Variants in R3HCC1L observed in about 807,000 individuals in gnomAD.
R3HCC1L encodes the protein R3H domain and coiled-coil containing 1 like, also known as coiled-coil domain-containing protein R3HCC1L.
R3HCC1L carries 51 observed loss-of-function variants against 59.9 expected under a neutral mutation model. The ratio of observed to expected loss-of-function variants is 0.85; its 90% CI spans 0.68 to 1.07. R3HCC1L has a LOEUF of 1.07. Ranked by LOEUF, R3HCC1L falls within the 50% of genes least tolerant of loss-of-function variation. R3HCC1L has a pLI of 0.00. For synonymous variants in R3HCC1L, 322 were observed against 315.2 expected, an observed-to-expected ratio of 1.02 and a Z score of -0.23; for missense variants, 965 against 933.0, an observed-to-expected ratio of 1.03 and a Z score of -0.45.
intron 4 of R3HCC1L, among the ~76,000 whole-genome samples, chr10:98,172,612 C>T (rs1049609950): frequency 6.6e-6 from 1 of 152,154 alleles, no homozygotes; most frequent in African/African-American, 2.4e-5. Flanking sequence ...AGCCATCTGT[C>T]CATCCATCCA....
intron 9 of R3HCC1L, among the ~76,000 whole-genome samples, chr10:98,239,432 C>G (rs1355895469): frequency 6.6e-6 from 1 of 152,014 alleles, no homozygotes; most frequent in Non-Finnish European, 1.5e-5. Context: ...ATCTCCCAGC[C>G]TTTCTTTCTC....
chr10:98,163,390 CT>C lies in R3HCC1L; in HGVS notation c.-20del. 7.5e-7 allele frequency: 1 copy of C among 1,334,610 alleles called. No individual in the cohort carries two copies. Among genetic ancestry groups the C allele is most frequent in the Non-Finnish European group, 9.9e-7 (1 of 1,007,320 alleles). The allele number at this position is 1,334,610 out of a possible 1,614,324, so 82.7% of individuals were successfully genotyped here. A position where few individuals can be genotyped will look rare whatever the true frequency, so the allele number is the denominator to read the frequency against. On this transcript the variant is annotated 5_prime_UTR_variant, in exon 4 of 10. The change abolishes the stop of an existing upstream ORF in the 5' untranslated region. Coordinates refer to ENST00000298999, the MANE Select transcript of R3HCC1L (RefSeq NM_001351015.2). ...TTTATTACTAAGAAAATAAATGTTA[CT>C]TACATGGTAAGTTGCCTTTACTTAT...
chr10:98,167,324 C>A (rs1848049906), intron 4 of R3HCC1L, among the ~76,000 whole-genome samples: 1 of 152,174 alleles, frequency 6.6e-6, no homozygotes, highest in African/African-American at 2.4e-5. Flanking sequence ...AATTTATTAA[C>A]TTGTTAATGT....
At chr10:98,180,483 GTGGT>G (rs1242475151) in intron 4 of R3HCC1L, among the ~76,000 whole-genome samples, 2 of 152,148 alleles carry the variant, frequency 1.3e-5, no homozygotes, top group African/African-American at 2.4e-5. Flanking sequence ...TTCCAACCAC[GTGGT>G]CAGTTTTGGA....
chr10:98,176,534 A>G (rs755062860), intron 4 of R3HCC1L, among the ~76,000 whole-genome samples: 26 of 152,046 alleles, frequency 1.7e-4, no homozygotes, highest in Non-Finnish European at 3.5e-4. Context: ...AGTTTTTTTC[A>G]TTGATAGAAT....
chr10:98,191,734 T>C (rs985775816), intron 4 of R3HCC1L, among the ~76,000 whole-genome samples: 1 of 152,206 alleles, frequency 6.6e-6, no homozygotes, highest in African/African-American at 2.4e-5. Context: ...CCCGTGCATA[T>C]GTCCTGAATG....
chr10:98,209,824 T>G lies in R3HCC1L; in HGVS notation c.1710T>G (p.Ile570Met). 1 of 1,613,878 alleles carries G rather than the reference T, an allele frequency of 6.2e-7. No individual in the cohort carries two copies. Among genetic ancestry groups the G allele is most frequent in the Non-Finnish European group, 8.5e-7 (1 of 1,179,806 alleles). The change falls in exon 5 of 10, where the codon ATT becomes ATG. Residue 570 changes from isoleucine (I) to methionine (M), a missense_variant. By Grantham distance (10) the Ile-to-Met change is conservative. Transcript: ENST00000298999. Reference sequence around the variant, plus strand: ...CTGAAACTTCTCACACAGAGGGAATTACTGCCATTGAGGAGAGCTGGGAGT... The same window carrying G: ...CTGAAACTTCTCACACAGAGGGAATGACTGCCATTGAGGAGAGCTGGGAGT... Reference protein sequence around the residue: ...KATETSHTEGITAIEESWESM... With the variant: ...KATETSHTEGMTAIEESWESM...
chr10:98,217,526 G>A (rs1190188878), intron 5 of R3HCC1L, among the ~76,000 whole-genome samples: 1 of 152,046 alleles, frequency 6.6e-6, no homozygotes, highest in African/African-American at 2.4e-5. Context: ...TCAAATTTTA[G>A]TATTGTTTTT....
intron 4 of R3HCC1L, among the ~76,000 whole-genome samples, chr10:98,203,603 G>T (rs895268636): frequency 2.0e-5 from 3 of 152,182 alleles, no homozygotes; most frequent in Non-Finnish European, 2.9e-5. Flanking sequence ...CCCAGTGAGT[G>T]CCTTAAGTGC....
At chr10:98,223,742 C>T (rs1855332623) in intron 5 of R3HCC1L, among the ~76,000 whole-genome samples, 1 of 151,986 alleles carries the variant, frequency 6.6e-6, no homozygotes, top group Admixed American at 6.6e-5. Context: ...AGGTAGAGGC[C>T]AGTCCTTGGA....
intron 2 of R3HCC1L, among the ~76,000 whole-genome samples, chr10:98,162,303 T>C (rs1023580904): frequency 1.2e-4 from 18 of 152,236 alleles, no homozygotes; most frequent in Non-Finnish European, 2.2e-4. Flanking sequence ...TTCCTTATGA[T>C]AAATTTATCA....
chr10:98,177,744 C>G (rs1849185828), intron 4 of R3HCC1L, among the ~76,000 whole-genome samples: 5 of 152,276 alleles, frequency 3.3e-5, no homozygotes, highest in Middle Eastern at 3.4e-3. Flanking sequence ...GAGATGGTAT[C>G]TCATTGTGGT....
chr10:98,218,013 C>T (rs1194552759), intron 5 of R3HCC1L, among the ~76,000 whole-genome samples: 1 of 152,038 alleles, frequency 6.6e-6, no homozygotes, highest in Non-Finnish European at 1.5e-5. Context: ...ATTTCTCTTT[C>T]CTGTTGCTCT....
intron 4 of R3HCC1L, among the ~76,000 whole-genome samples, chr10:98,193,005 C>T (rs1339662690): frequency 2.0e-5 from 3 of 151,926 alleles, no homozygotes; most frequent in Non-Finnish European, 4.4e-5. Flanking sequence ...AGAATATATA[C>T]AATATTAACA....
chr10:98,209,154 A>G lies in R3HCC1L; in HGVS notation c.1040A>G (p.His347Arg). The G allele has an allele frequency of 6.2e-7, 1 of 1,614,020 alleles. No homozygotes were observed. Among genetic ancestry groups the G allele is most frequent in the East Asian group, 2.2e-5 (1 of 44,872 alleles). ...DSTADELHVK[H>R]EPPDTAVLAH... ...ACTGCTGATGAGTTACATGTAAAGC[A>G]CGAACCTCCTGATACAGCTGTCCTT... The change falls in exon 5 of 10, where the codon CAC (histidine) becomes CGC (arginine). Residue 347 changes from histidine to arginine, a missense_variant. By Grantham distance (29) the His-to-Arg change is conservative (BLOSUM62 0). Coordinates refer to ENST00000298999, the MANE Select transcript of R3HCC1L (RefSeq NM_001351015.2).
chr10:98,230,278 A>T (rs1464822420), intron 5 of R3HCC1L, among the ~76,000 whole-genome samples: 1 of 152,196 alleles, frequency 6.6e-6, no homozygotes, highest in African/African-American at 2.4e-5. Flanking sequence ...TGGTCTATTC[A>T]GAGATTCAAC....
chr10:98,181,969 C>T (rs1312526339), intron 4 of R3HCC1L, among the ~76,000 whole-genome samples: 1 of 152,146 alleles, frequency 6.6e-6, no homozygotes, highest in Non-Finnish European at 1.5e-5. Context: ...CCTCCTTTAG[C>T]TCGGAGAAGT....
chr10:98,163,176 C>T (rs80241178), intron 3 of R3HCC1L, 117 bp from the exon 4 acceptor site: 151 of 353,630 alleles, frequency 4.3e-4, no homozygotes, highest in African/African-American at 2.9e-3. Flanking sequence ...TATGGCAAAT[C>T]ACTGTGTTAA....
chr10:98,138,734 T>C (rs575242879), intron 1 of R3HCC1L, among the ~76,000 whole-genome samples: 18 of 152,234 alleles, frequency 1.2e-4, no homozygotes, highest in Admixed American at 8.5e-4. Flanking sequence ...CCATGTAGCA[T>C]TGTGGCAATA....
Sources: gnomAD v4.1 joint callset for allele counts (sites outside exome capture counted in the v4.1 genomes callset) on GRCh38, gnomAD v4.1.1 for gene constraint, MANE v1.5 for transcripts, NCBI Gene and HGNC (gene_info 2026-07-23, HGNC 2026-07-21) for gene names.